The following LPAR1 variants were observed in gnomAD, a reference collection of about 807,000 sequenced individuals.
LPAR1 encodes the protein LPA receptor 1.
Under a neutral mutation model 23.8 loss-of-function variants are expected in LPAR1, and 5 were observed. The ratio of observed to expected loss-of-function variants is 0.21; its 90% CI spans 0.11 to 0.44. The LOEUF (loss-of-function observed/expected upper bound fraction) is 0.44. Ranked by LOEUF, LPAR1 falls within the 20% of genes least tolerant of loss-of-function variation. LPAR1 has a pLI of 0.99. For synonymous variants in LPAR1, 160 were observed against 164.7 expected, an observed-to-expected ratio of 0.97 and a Z score of 0.22; for missense variants, 311 against 482.8, an observed-to-expected ratio of 0.64 and a Z score of 3.33.
At chr9:111,021,938 T>A (rs1210508767) in intron 2 of LPAR1, among the ~76,000 whole-genome samples, 1 of 115,772 alleles carries the variant, frequency 8.6e-6, no homozygotes, top group Non-Finnish European at 1.6e-5. Flanking sequence ...CACTCCAGCC[T>A]GGGTGACAGA....
intron 5 of LPAR1, among the ~76,000 whole-genome samples, chr9:110,880,903 ATAGT>A (rs1287771839): frequency 6.6e-6 from 1 of 152,216 alleles, no homozygotes; most frequent in Admixed American, 6.5e-5. Flanking sequence ...CACATACTAC[ATAGT>A]TAGCTAGGAA....
chr9:110,984,999 G>A, intron 2 of LPAR1, among the ~76,000 whole-genome samples: 1 of 152,016 alleles, frequency 6.6e-6, no homozygotes, highest in East Asian at 1.9e-4. Context: ...GGGAAAACAG[G>A]ATGACAGAGA....
At chr9:110,978,449 C>T (rs992634113) in intron 2 of LPAR1, among the ~76,000 whole-genome samples, 1 of 152,140 alleles carries the variant, frequency 6.6e-6, no homozygotes, top group Non-Finnish European at 1.5e-5. Context: ...ACCATCAATG[C>T]TGAAACCTGG....
intron 5 of LPAR1, among the ~76,000 whole-genome samples, chr9:110,935,495 G>GA (rs1350136010): frequency 6.6e-6 from 1 of 151,714 alleles, no homozygotes; most frequent in African/African-American, 2.4e-5. Flanking sequence ...AGAGAACCTA[G>GA]AAAAAAATAT....
intron 5 of LPAR1, among the ~76,000 whole-genome samples, chr9:110,937,132 G>A (rs2094762680): frequency 6.6e-6 from 1 of 152,124 alleles, no homozygotes; most frequent in African/African-American, 2.4e-5. Flanking sequence ...GGAAAAGGGT[G>A]GATGAAATGA....
chr9:110,947,574 G>A (rs1159315336), intron 4 of LPAR1, among the ~76,000 whole-genome samples: 2 of 152,204 alleles, frequency 1.3e-5, no homozygotes, highest in Non-Finnish European at 2.9e-5. Context: ...AGTCACATAT[G>A]TTGTTTACCT....
chr9:111,029,354 T>C (rs1337257474), intron 2 of LPAR1, among the ~76,000 whole-genome samples: 1 of 152,156 alleles, frequency 6.6e-6, no homozygotes, highest in Non-Finnish European at 1.5e-5. Context: ...TGCTCTCGTG[T>C]CCTGTCTGGT....
chr9:111,034,524 T>C (rs985778507), intron 2 of LPAR1, among the ~76,000 whole-genome samples: 3 of 152,240 alleles, frequency 2.0e-5, no homozygotes, highest in Non-Finnish European at 4.4e-5. Flanking sequence ...TTTTACTAAA[T>C]TAAATTTCTC....
chr9:110,959,020 T>C (rs1284189647), intron 4 of LPAR1, among the ~76,000 whole-genome samples: 6 of 149,878 alleles, frequency 4.0e-5, no homozygotes, highest in Middle Eastern at 3.5e-3. Flanking sequence ...TAAGATATCA[T>C]CTTACCCCAG....
At chr9:110,965,023 A>G (rs2137648294) in intron 4 of LPAR1, among the ~76,000 whole-genome samples, 1 of 152,132 alleles carries the variant, frequency 6.6e-6, no homozygotes, top group East Asian at 1.9e-4. Flanking sequence ...GGTGCACGCC[A>G]CCACACCCAG....
chr9:110,951,429 C>T (rs2095565279), intron 4 of LPAR1, among the ~76,000 whole-genome samples: 1 of 151,930 alleles, frequency 6.6e-6, no homozygotes, highest in Non-Finnish European at 1.5e-5. Flanking sequence ...AGACTTCTTA[C>T]AAGTCAAAAA....
In LPAR1 at chr9:111,029,857, C is replaced by A. The variant is rs2097765604; in HGVS notation, c.-182+6265G>T. Among the ~76,000 whole-genome samples, 4 of 151,704 alleles carry A rather than the reference C, an allele frequency of 2.6e-5. No homozygotes were observed. In the South Asian group the frequency reaches 8.4e-4, roughly 32 times the overall value. Reference sequence around the variant, plus strand: ...CTTGAGGCCAGGAGTTCAAGACCAGCCTGGCCAACACAGTGAAACCCCATC... The same window carrying A: ...CTTGAGGCCAGGAGTTCAAGACCAGACTGGCCAACACAGTGAAACCCCATC... On this transcript the variant is annotated intron_variant, in intron 2 of 5. Transcript: ENST00000683809.
At chr9:110,990,347 C>T (rs1416831088) in intron 2 of LPAR1, among the ~76,000 whole-genome samples, 1 of 152,052 alleles carries the variant, frequency 6.6e-6, no homozygotes, top group African/African-American at 2.4e-5. Context: ...TATTCTGGGC[C>T]ATAAAACAAG....
chr9:110,957,330 A>C (rs1333143931), intron 4 of LPAR1, among the ~76,000 whole-genome samples: 1 of 127,116 alleles, frequency 7.9e-6, no homozygotes, highest in African/African-American at 2.9e-5. Flanking sequence ...ATAGAGTGAT[A>C]CTCTGTCTCA....
chr9:110,943,052 G>A (rs1211694942), intron 4 of LPAR1, among the ~76,000 whole-genome samples: 4 of 147,934 alleles, frequency 2.7e-5, no homozygotes, highest in Non-Finnish European at 5.9e-5. Context: ...GATTGAGACA[G>A]TTTAAAACAG....
chr9:110,899,883 A>G (rs2088046952), intron 5 of LPAR1, among the ~76,000 whole-genome samples: 1 of 152,136 alleles, frequency 6.6e-6, no homozygotes, highest in African/African-American at 2.4e-5. Context: ...GCTTTTGCCC[A>G]CTCAGTGCCA....
intron 2 of LPAR1, among the ~76,000 whole-genome samples, chr9:111,014,904 T>C (rs2097410450): frequency 6.6e-6 from 1 of 152,000 alleles, no homozygotes; most frequent in Non-Finnish European, 1.5e-5. Flanking sequence ...GTTGAGGTCC[T>C]AACTCCCAGT....
rs575072034 is a variant in LPAR1 at position 110,971,326 on chromosome 9, G to C, written c.45+747C>G. Among the ~76,000 whole-genome samples the C allele has an allele frequency of 2.5e-4, 38 of 152,236 alleles. No individual in the cohort carries two copies. The South Asian group carries it at 7.9e-3, about 32-fold the overall frequency. On this transcript the variant is annotated intron_variant, in intron 4 of 5. Coordinates refer to ENST00000683809, the MANE Select transcript of LPAR1 (RefSeq NM_001351411.2). ...CATCATGTGAGGAATGATTACATGA[G>C]AGGAAACTGAAGCTGAGAGAAGCTA...
intron 2 of LPAR1, among the ~76,000 whole-genome samples, chr9:111,005,151 CAAAAAAAAAAAAAAA>C (rs71371700): frequency 1.3e-5 from 1 of 74,292 alleles, no homozygotes. Flanking sequence ...GACAAAGTCT[CAAAAAAAAAAAAAAA>C]AAAAAAAAAG....
Sources: gnomAD v4.1 joint callset for allele counts (sites outside exome capture counted in the v4.1 genomes callset) on GRCh38, gnomAD v4.1.1 for gene constraint, MANE v1.5 for transcripts, NCBI Gene and HGNC (gene_info 2026-07-23, HGNC 2026-07-21) for gene names.